Variants in SCAP observed in about 807,000 individuals in gnomAD.
SCAP encodes the protein sterol regulatory element-binding protein cleavage-activating protein.
Under a neutral mutation model 123.6 loss-of-function variants are expected in SCAP, and 65 were observed. That is an observed-to-expected ratio of 0.53 (90% confidence interval 0.43 to 0.65). The LOEUF is 0.65. Among genes scored for constraint, SCAP ranks in the 30% least tolerant of loss-of-function variants. The pLI is 0.00. For missense variants in SCAP, 1,398 were observed against 1,712.5 expected, an observed-to-expected ratio of 0.82 and a Z score of 3.24; for synonymous variants, 740 against 726.3, an observed-to-expected ratio of 1.02 and a Z score of -0.30.
chr3:47,437,803 A>AATAAAACT (rs1295086779), intron 2 of SCAP, among the ~76,000 whole-genome samples: 3 of 152,176 alleles, frequency 2.0e-5, no homozygotes, highest in Non-Finnish European at 1.5e-5. Context: ...AAAAAAAAAG[A>AATAAAACT]ATAAAACTAT....
intron 6 of SCAP, 146 bp from the exon 7 acceptor site, chr3:47,426,315 T>C (rs1043667255): frequency 2.7e-4 from 211 of 781,092 alleles, no homozygotes; most frequent in Admixed American, 6.9e-4. Context: ...AGCTTCTCTA[T>C]AGTCTCCAGG....
At chr3:47,434,972 C>T (rs761992534) in intron 3 of SCAP, 36 bp downstream of exon 3, 10 of 1,613,878 alleles carry the variant, frequency 6.2e-6, no homozygotes, top group South Asian at 1.1e-5. Flanking sequence ...CCACCCAACG[C>T]TCTGTGCTGG....
chr3:47,422,890 TG>T, intron 9 of SCAP: 1 of 196,132 alleles, frequency 5.1e-6, no homozygotes, highest in Non-Finnish European at 1.0e-5. Flanking sequence ...GGTTCTTGTC[TG>T]GTCTGCACGG....
intron 1 of SCAP, chr3:47,470,053 G>C (rs1479007769): frequency 7.5e-6 from 2 of 265,660 alleles, no homozygotes; most frequent in African/African-American, 4.6e-5. Flanking sequence ...CTAATGTAAT[G>C]GTAGCAAAAC....
At position 47,475,823 on chromosome 3, in the gene SCAP, T is replaced by TGCGGCGGCG. The variant is rs562562485; in HGVS notation, c.-132_-124dup. On this transcript the variant is annotated 5_prime_UTR_variant, in exon 1 of 23. Transcript: ENST00000265565. ...CCTGTGGTGGCAGCACCTCCCAAGC[T>TGCGGCGGCG]GCGGCGGCGGCGGCGGCGGCGACGG... 15 of 158,364 alleles carry TGCGGCGGCG rather than the reference T, an allele frequency of 9.5e-5. No individual in the cohort carries two copies. Among genetic ancestry groups the TGCGGCGGCG allele is most frequent in the African/African-American group, 1.9e-4 (8 of 41,428 alleles). 9.8% of individuals were successfully genotyped at this position (158,364 alleles called of 1,614,324 possible).
intron 1 of SCAP, among the ~76,000 whole-genome samples, chr3:47,474,060 T>TA (rs1206986246): frequency 6.6e-6 from 1 of 151,848 alleles, no homozygotes; most frequent in Non-Finnish European, 1.5e-5. Flanking sequence ...GGTCAGGAGA[T>TA]AGAGACGATC....
Position 47,418,968 on chromosome 3 carries a change from C to A in SCAP, c.1941-125G>T, listed in dbSNP as rs1705772250. The A allele has an allele frequency of 6.5e-6, 7 of 1,079,268 alleles. No individual in the cohort carries two copies. In the East Asian group the frequency reaches 1.9e-4, roughly 29 times the overall value. 66.9% of individuals were successfully genotyped at this position (1,079,268 alleles called of 1,614,324 possible). ...AGCTCCACCGGCCAGACTCTCCCAGCATGGGGGGTTGGGGACAGAGGTAGG... is the reference window on the plus strand; with the variant it reads ...AGCTCCACCGGCCAGACTCTCCCAGAATGGGGGGTTGGGGACAGAGGTAGG... On this transcript the variant is annotated intron_variant, in intron 13 of 22. Transcript: ENST00000265565.
intron 1 of SCAP, among the ~76,000 whole-genome samples, chr3:47,474,472 T>G (rs1205333016): frequency 1.3e-5 from 2 of 151,918 alleles, no homozygotes; most frequent in Non-Finnish European, 2.9e-5. Context: ...ACACCTAAAA[T>G]GTAAACTATA....
At chr3:47,436,132 G>A (rs1331429412) in intron 2 of SCAP, among the ~76,000 whole-genome samples, 1 of 152,016 alleles carries the variant, frequency 6.6e-6, no homozygotes, top group African/African-American at 2.4e-5. Flanking sequence ...TTAGATATAA[G>A]GGAACAATAA....
At chr3:47,434,354 T>C (rs1238948318) in intron 3 of SCAP, among the ~76,000 whole-genome samples, 1 of 152,206 alleles carries the variant, frequency 6.6e-6, no homozygotes, top group African/African-American at 2.4e-5. Context: ...GGTACACAGA[T>C]GAGCTAGTCA....
intron 2 of SCAP, among the ~76,000 whole-genome samples, chr3:47,435,469 TACACACACACACAC>T (rs57702290): frequency 6.8e-3 from 629 of 91,956 alleles, no homozygotes; most frequent in Middle Eastern, 0.027. Context: ...AATATAAACA[TACACACACACACAC>T]ACACACACAC....
At chr3:47,416,624 T>C in intron 18 of SCAP, among the ~76,000 whole-genome samples, 1 of 36,488 alleles carries the variant, frequency 2.7e-5, no homozygotes, top group Non-Finnish European at 9.7e-5. Context: ...GCTTTTTTTT[T>C]TTTTTTTTTT....
intron 18 of SCAP, among the ~76,000 whole-genome samples, chr3:47,416,848 G>A (rs895198692): frequency 2.0e-5 from 3 of 151,674 alleles, no homozygotes; most frequent in African/African-American, 4.8e-5. Flanking sequence ...GGATGGTCTC[G>A]ATCTCCTGAC....
chr3:47,443,076 CA>C lies in SCAP; in HGVS notation c.-84del. The stretch of plus-strand genomic sequence containing the variant: ...CACACTTGACAGCACTGACAAAGAA[CA>C]ACATGTGCAGGTACCTGGTAAGAAG... On this transcript the variant is annotated 5_prime_UTR_variant, in exon 2 of 23. The change abolishes the stop of an existing upstream ORF in the 5' untranslated region. Coordinates refer to ENST00000265565, the MANE Select transcript of SCAP (RefSeq NM_012235.4). The C allele has an allele frequency of 6.3e-7, 1 of 1,595,700 alleles. No homozygotes were observed. The highest frequency in any genetic ancestry group is 8.5e-7 in the Non-Finnish European group (1 of 1,170,878).
intron 2 of SCAP, among the ~76,000 whole-genome samples, chr3:47,438,323 A>G (rs989005773): frequency 1.3e-5 from 2 of 152,168 alleles, no homozygotes; most frequent in African/African-American, 4.8e-5. Context: ...CTACACTCAA[A>G]AACCATTTAT....
At chr3:47,465,390 G>C (rs1707785736) in intron 1 of SCAP, among the ~76,000 whole-genome samples, 1 of 152,006 alleles carries the variant, frequency 6.6e-6, no homozygotes, top group Non-Finnish European at 1.5e-5. Flanking sequence ...AGGCTGGGAA[G>C]ACAATATTCT....
At chr3:47,467,250 A>G (rs1707860207) in intron 1 of SCAP, among the ~76,000 whole-genome samples, 1 of 152,166 alleles carries the variant, frequency 6.6e-6, no homozygotes, top group Admixed American at 6.6e-5. Context: ...CTCAACAATA[A>G]CAACAAAATA....
At position 47,417,125 on chromosome 3, in the gene SCAP, T is replaced by C. The variant is rs1705615802; in HGVS notation, c.3053A>G (p.Lys1018Arg). Reference protein sequence around the residue: ...SGITALVFLDKRIVAARLNGS... With the variant: ...SGITALVFLDRRIVAARLNGS... ...GGCTGAGGCAGGCCACGCTCACCTT[T>C]TGTCCAAGAACACCAGAGCGGTAAT... Residue 1018 changes from lysine to arginine, a missense_variant, in exon 18 of 23, where the codon AAA (lysine) becomes AGA (arginine). Lys to Arg is a conservative substitution (Grantham distance 26). Coordinates refer to ENST00000265565, the MANE Select transcript of SCAP (RefSeq NM_012235.4). The C allele has an allele frequency of 6.2e-7, 1 of 1,613,004 alleles. No homozygotes were observed. The highest frequency in any genetic ancestry group is 1.3e-5 in the African/African-American group (1 of 75,040).
chr3:47,417,073 T>C, intron 18 of SCAP, 49 bp downstream of exon 18: 1 of 1,536,388 alleles, frequency 6.5e-7, no homozygotes, highest in Admixed American at 1.7e-5. Context: ...GAGTATGGCC[T>C]AGCCAACAAA....
Sources: gnomAD v4.1 joint callset for allele counts (sites outside exome capture counted in the v4.1 genomes callset) on GRCh38, gnomAD v4.1.1 for gene constraint, MANE v1.5 for transcripts, NCBI Gene and HGNC (gene_info 2026-07-23, HGNC 2026-07-21) for gene names.